The following HTR4 variants were observed in gnomAD, a reference collection of about 807,000 sequenced individuals.
The protein encoded by HTR4 is 5-hydroxytryptamine (serotonin) receptor 4, G protein-coupled.
Under a neutral mutation model 36.8 loss-of-function variants are expected in HTR4, and 16 were observed. The observed-to-expected ratio is 0.43, with a 90% CI of 0.29 to 0.66. The LOEUF (loss-of-function observed/expected upper bound fraction) is 0.66, where lower values mean the gene tolerates loss of function less well. HTR4 is among the 30% of genes least tolerant of loss of function. The pLI, the probability that HTR4 is intolerant of heterozygous loss-of-function variation, is 0.13. For synonymous variants in HTR4, 189 were observed against 185.1 expected (o/e 1.02, Z -0.17); for missense variants, 438 against 490.9 (o/e 0.89, Z 1.02).
chr5:148,491,264 A>C (rs932445966), intron 6 of HTR4, among the ~76,000 whole-genome samples: 3 of 152,136 alleles, frequency 2.0e-5, no homozygotes, highest in Non-Finnish European at 4.4e-5. Context: ...CTCTAACCAC[A>C]GAAGTTCAGG....
intron 3 of HTR4, among the ~76,000 whole-genome samples, chr5:148,549,574 C>G (rs940626035): frequency 6.6e-6 from 1 of 152,276 alleles, no homozygotes; most frequent in African/African-American, 2.4e-5. Context: ...GGGGAGTTAA[C>G]GCCTCTCCCC....
At chr5:148,459,343 CAG>C (rs1228507008) in intron 5 of HTR4, among the ~76,000 whole-genome samples, 1 of 152,156 alleles carries the variant, frequency 6.6e-6, no homozygotes, top group Non-Finnish European at 1.5e-5. Context: ...ATGCTTCTGA[CAG>C]GGAGGAGGGA....
intron 5 of HTR4, chr5:148,521,070 C>A: frequency 1.5e-6 from 2 of 1,302,284 alleles, no homozygotes; most frequent in African/African-American, 1.5e-5. Context: ...CCTCTCCACT[C>A]CACTTCCCAC....
At chr5:148,623,595 A>T (rs2127295107) in intron 2 of HTR4, among the ~76,000 whole-genome samples, 1 of 152,218 alleles carries the variant, frequency 6.6e-6, no homozygotes, top group East Asian at 1.9e-4. Flanking sequence ...GGTTTAGTTG[A>T]CTGCTAAGTC....
rs140201833 is a variant in HTR4, at chr5:148,577,586, G to C, written c.27-27324C>G. 6.9e-3 allele frequency among the ~76,000 whole-genome samples: 1,043 copies of C among 152,196 alleles called. 17 individuals are homozygous for C. The highest frequency in any genetic ancestry group is 0.024 in the African/African-American group (992 of 41,518). On this transcript the variant is annotated intron_variant, in intron 2 of 6. Transcript: ENST00000377888. ...TCAACCTAAATGCCCATCAATGACA[G>C]ACTGGATAAAGAAAATGTGGTACAT...
At chr5:148,541,291 T>C (rs917600269) in intron 4 of HTR4, among the ~76,000 whole-genome samples, 4 of 152,100 alleles carry the variant, frequency 2.6e-5, no homozygotes, top group African/African-American at 4.8e-5. Context: ...CCCAGCGTCA[T>C]ACAAACAACC....
At chr5:148,458,708 G>C (rs1000518470) in intron 5 of HTR4, among the ~76,000 whole-genome samples, 1 of 152,168 alleles carries the variant, frequency 6.6e-6, no homozygotes, top group Non-Finnish European at 1.5e-5. Context: ...AGGCCCATGT[G>C]GTGAGAGGGG....
intron 2 of HTR4, among the ~76,000 whole-genome samples, chr5:148,584,025 T>C (rs996009491): frequency 6.6e-6 from 1 of 152,184 alleles, no homozygotes; most frequent in African/African-American, 2.4e-5. Flanking sequence ...TTACCTGTTA[T>C]TTGTTTTAAA....
chr5:148,511,976 G>T (rs575782741), intron 5 of HTR4, among the ~76,000 whole-genome samples: 5 of 152,218 alleles, frequency 3.3e-5, no homozygotes, highest in African/African-American at 1.2e-4. Flanking sequence ...AGTGTCCTGG[G>T]CATCCATATC....
chr5:148,638,389 C>T (rs151215241), intron 1 of HTR4, among the ~76,000 whole-genome samples: 3 of 152,182 alleles, frequency 2.0e-5, no homozygotes, highest in Admixed American at 6.5e-5. Context: ...GTACAAAGCC[C>T]TAACTATCGA....
At chr5:148,647,917 A>G (rs974960648) in intron 1 of HTR4, among the ~76,000 whole-genome samples, 3 of 152,192 alleles carry the variant, frequency 2.0e-5, no homozygotes, top group Admixed American at 6.5e-5. Context: ...GTCCCAGCCC[A>G]ATTACCACCT....
intron 4 of HTR4, among the ~76,000 whole-genome samples, chr5:148,539,241 C>A (rs1758986673): frequency 6.6e-6 from 1 of 152,140 alleles, no homozygotes; most frequent in South Asian, 2.1e-4. Context: ...GGATTAAAGA[C>A]TTAAATGTAA....
At chr5:148,454,919 G>A (rs1440027990) in intron 5 of HTR4, among the ~76,000 whole-genome samples, 2 of 152,126 alleles carry the variant, frequency 1.3e-5, no homozygotes, top group East Asian at 3.9e-4. Context: ...TTCAAACAAG[G>A]GCTCAGGACC....
chr5:148,554,516 T>C (rs559137705), intron 2 of HTR4, among the ~76,000 whole-genome samples: 1 of 152,270 alleles, frequency 6.6e-6, no homozygotes, highest in African/African-American at 2.4e-5. Context: ...AGAAAATTCA[T>C]AGGGAAATTA....
chr5:148,601,848 A>G (rs895534190), intron 2 of HTR4, among the ~76,000 whole-genome samples: 1 of 152,174 alleles, frequency 6.6e-6, no homozygotes, highest in African/African-American at 2.4e-5. Flanking sequence ...AGATAGGTGG[A>G]CTCACAGGAT....
chr5:148,492,735 C>A (rs954321661), intron 6 of HTR4, among the ~76,000 whole-genome samples: 11 of 152,182 alleles, frequency 7.2e-5, no homozygotes, highest in Non-Finnish European at 1.6e-4. Flanking sequence ...ATATTATGTC[C>A]ATTTTACAGA....
chr5:148,654,122 C>T lies in HTR4; in HGVS notation c.-108G>A. ...AGATTCGAGCGGCCACCCCCAGCCG[C>T]TGAGCCGAGCTTCTGCTGCCGCCGC... On this transcript the variant is annotated 5_prime_UTR_variant, in exon 1 of 7. Coordinates refer to ENST00000377888, the MANE Select transcript of HTR4 (RefSeq NM_000870.7). 1 of 985,672 alleles carries T rather than the reference C, an allele frequency of 1.0e-6. No homozygotes were observed. Among genetic ancestry groups the T allele is most frequent in the Non-Finnish European group, 1.2e-6 (1 of 830,042 alleles). 61.1% of individuals were successfully genotyped at this position (985,672 alleles called of 1,614,324 possible). A position where few individuals can be genotyped will look rare whatever the true frequency, so the allele number is the denominator to read the frequency against.
At position 148,572,626 on chromosome 5, in the gene HTR4, C is replaced by T. The variant is rs1041234766; in HGVS notation, c.27-22364G>A. On this transcript the variant is annotated intron_variant, in intron 2 of 6. Coordinates refer to ENST00000377888, the MANE Select transcript of HTR4 (RefSeq NM_000870.7). The stretch of plus-strand genomic sequence containing the variant: ...TCTGTACTTCCTCAGTTACTCACTC[C>T]AATGTTCAGTCCATGAGTTCGTCAT... 2.6e-5 allele frequency among the ~76,000 whole-genome samples: 4 copies of T among 152,108 alleles called. No homozygotes were observed. In the East Asian group the frequency reaches 5.8e-4, roughly 22 times the overall value.
intron 2 of HTR4, among the ~76,000 whole-genome samples, chr5:148,601,727 G>A (rs1265976122): frequency 6.6e-6 from 1 of 152,162 alleles, no homozygotes; most frequent in Non-Finnish European, 1.5e-5. Context: ...TTGGAGCTTG[G>A]AAGGCGGAGG....
Sources: gnomAD v4.1 joint callset for allele counts (sites outside exome capture counted in the v4.1 genomes callset) on GRCh38, gnomAD v4.1.1 for gene constraint, MANE v1.5 for transcripts, NCBI Gene and HGNC (gene_info 2026-07-23, HGNC 2026-07-21) for gene names.